The following ADGRL3 variants were observed in gnomAD, a reference collection of about 807,000 sequenced individuals.
The protein encoded by ADGRL3 is adhesion G protein-coupled receptor L3.
In ADGRL3, 62 loss-of-function variants were observed where a neutral mutation model predicts 153.5. That is an observed-to-expected ratio of 0.40 (90% confidence interval 0.33 to 0.50). The LOEUF (loss-of-function observed/expected upper bound fraction) is 0.50. Ranked by LOEUF, ADGRL3 falls within the 20% of genes least tolerant of loss-of-function variation. The pLI is 0.47. For missense variants in ADGRL3, 1,641 were observed against 1,859.4 expected (o/e 0.88, Z 2.16); for synonymous variants, 710 against 672.5 (o/e 1.06, Z -0.86).
chr4:61,223,726 T>C (rs1239724404), intron 1 of ADGRL3, among the ~76,000 whole-genome samples: 1 of 152,254 alleles, frequency 6.6e-6, no homozygotes, highest in Non-Finnish European at 1.5e-5. Flanking sequence ...CATTCTTACA[T>C]TGGCCAGTTT....
chr4:61,266,280 A>G (rs1371098622), intron 1 of ADGRL3, among the ~76,000 whole-genome samples: 1 of 96,944 alleles, frequency 1.0e-5, no homozygotes, highest in Non-Finnish European at 2.2e-5. Context: ...GACTTTAGAC[A>G]GAGATGTTTT....
At chr4:61,896,811 C>T (rs1405499530) in intron 11 of ADGRL3, among the ~76,000 whole-genome samples, 1 of 152,080 alleles carries the variant, frequency 6.6e-6, no homozygotes, top group Non-Finnish European at 1.5e-5. Flanking sequence ...GTTTTTATGT[C>T]CTTTGATTTT....
intron 5 of ADGRL3, among the ~76,000 whole-genome samples, chr4:61,645,144 C>T (rs925985647): frequency 6.6e-6 from 1 of 151,680 alleles, no homozygotes; most frequent in African/African-American, 2.4e-5. Flanking sequence ...TTTGGTAGAT[C>T]TTCCTCCATG....
At chr4:61,966,573 G>GGTGT (rs5858746) in intron 17 of ADGRL3, among the ~76,000 whole-genome samples, 17,399 of 145,942 alleles carry the variant, frequency 0.12, 1,540 homozygotes, top group East Asian at 0.37. Context: ...TTTCAAAAGG[G>GGTGT]GTGTGTGTGT....
rs1282807112 is a variant in ADGRL3 at position 61,910,922 on chromosome 4, T to TA, written c.2073+1183dup. On this transcript the variant is annotated intron_variant, in intron 12 of 26. Transcript: ENST00000683033. ...TTTTTTTCCCCTGCAATTTCATCTGTAAAAAACAGGTAAAGTTTTATTATT... is the reference window on the plus strand; with the variant it reads ...TTTTTTTCCCCTGCAATTTCATCTGTAAAAAAACAGGTAAAGTTTTATTATT... Among the ~76,000 whole-genome samples the TA allele has an allele frequency of 5.3e-5, 8 of 151,594 alleles. No individual in the cohort carries two copies. In the South Asian group the frequency reaches 1.0e-3, roughly 20 times the overall value.
At chr4:62,046,616 C>T (rs1042674230) in intron 25 of ADGRL3, among the ~76,000 whole-genome samples, 1 of 151,698 alleles carries the variant, frequency 6.6e-6, no homozygotes, top group Admixed American at 6.6e-5. Context: ...TTTCTTGTGA[C>T]GTTGAATAAA....
At chr4:61,846,467 A>G (rs188661278) in intron 9 of ADGRL3, among the ~76,000 whole-genome samples, 14 of 152,242 alleles carry the variant, frequency 9.2e-5, no homozygotes, top group Admixed American at 2.0e-4. Context: ...ACAGCCATCT[A>G]GCCTTCTGTT....
chr4:61,805,024 C>T (rs1212874853), intron 8 of ADGRL3, among the ~76,000 whole-genome samples: 4 of 151,040 alleles, frequency 2.6e-5, no homozygotes, highest in East Asian at 2.0e-4. Flanking sequence ...GGGGCGATCT[C>T]GGCTCACTGC....
At chr4:61,323,356 T>C (rs1433122290) in intron 1 of ADGRL3, among the ~76,000 whole-genome samples, 2 of 152,138 alleles carry the variant, frequency 1.3e-5, no homozygotes, top group Non-Finnish European at 2.9e-5. Flanking sequence ...CGTTAACTTA[T>C]GCAAATTTCT....
rs34387631 is a variant in ADGRL3, at chr4:61,326,599, A to ATGTGTGTG, written c.-239-56497_-239-56490dup. On this transcript the variant is annotated intron_variant, in intron 1 of 26. Transcript: ENST00000683033. ...TCCAGCTAGCCAGTTATGCCAGATA[A>ATGTGTGTG]TGTGTGTGTGTGTGTGTGTGTGTGT... 7.2e-3 allele frequency among the ~76,000 whole-genome samples: 1,011 copies of ATGTGTGTG among 140,720 alleles called. 18 individuals are homozygous for ATGTGTGTG. The highest frequency in any genetic ancestry group is 0.025 in the African/African-American group (955 of 38,248). 92.3% of individuals were successfully genotyped at this position (140,720 alleles called of 152,430 possible).
intron 1 of ADGRL3, among the ~76,000 whole-genome samples, chr4:61,310,038 T>A (rs2094938297): frequency 6.6e-6 from 1 of 151,578 alleles, no homozygotes; most frequent in African/African-American, 2.4e-5. Context: ...CTTTAAACAT[T>A]AGATATAAAT....
chr4:61,569,268 T>C (rs796895795), intron 4 of ADGRL3, among the ~76,000 whole-genome samples: 5 of 152,292 alleles, frequency 3.3e-5, no homozygotes, highest in African/African-American at 1.2e-4. Flanking sequence ...AATTTATTTA[T>C]ATGTAATTCA....
In ADGRL3 at chr4:61,690,271, C is replaced by T. The variant is rs547872543; in HGVS notation, c.583+13336C>T. 2.6e-5 allele frequency among the ~76,000 whole-genome samples: 4 copies of T among 152,028 alleles called. No individual in the cohort carries two copies. The South Asian group carries it at 8.3e-4, about 32-fold the overall frequency. Reference sequence around the variant, plus strand: ...ACCATCCTTGGTAACATAGTGAGACCATGTCTGTACAAAAAATAAAAAATT... The same window carrying T: ...ACCATCCTTGGTAACATAGTGAGACTATGTCTGTACAAAAAATAAAAAATT... On this transcript the variant is annotated intron_variant, in intron 6 of 26. Transcript: ENST00000683033.
chr4:61,352,709 G>A (rs2096074483), intron 1 of ADGRL3, among the ~76,000 whole-genome samples: 1 of 151,936 alleles, frequency 6.6e-6, no homozygotes, highest in Non-Finnish European at 1.5e-5. Context: ...ATATACACTA[G>A]GAAATCAAAA....
At chr4:62,059,434 A>T (rs1738885075) in intron 25 of ADGRL3, among the ~76,000 whole-genome samples, 1 of 152,138 alleles carries the variant, frequency 6.6e-6, no homozygotes, top group African/African-American at 2.4e-5. Flanking sequence ...AATTACATTG[A>T]TTTCAAATGG....
intron 5 of ADGRL3, among the ~76,000 whole-genome samples, chr4:61,614,306 G>A (rs571106795): frequency 6.6e-6 from 1 of 152,248 alleles, no homozygotes; most frequent in East Asian, 1.9e-4. Flanking sequence ...AACTTCAGAA[G>A]GATCTCTTTC....
chr4:61,670,635 A>T (rs7655205), intron 5 of ADGRL3, among the ~76,000 whole-genome samples: 2,621 of 152,248 alleles, frequency 0.017, 82 homozygotes, highest in African/African-American at 0.06. Context: ...ATTAAGTGAC[A>T]GAAAAGCTCT....
At chr4:61,495,910 T>C (rs934225721) in intron 2 of ADGRL3, among the ~76,000 whole-genome samples, 7 of 152,336 alleles carry the variant, frequency 4.6e-5, no homozygotes, top group Admixed American at 2.6e-4. Flanking sequence ...CATTTTAATT[T>C]AGTTTGTATC....
At chr4:61,466,411 A>G (rs1034704612) in intron 2 of ADGRL3, among the ~76,000 whole-genome samples, 1 of 152,218 alleles carries the variant, frequency 6.6e-6, no homozygotes, top group Non-Finnish European at 1.5e-5. Context: ...AGTATTTAAT[A>G]TAGGTACCAA....
Sources: allele counts gnomAD v4.1 joint callset (sites outside exome capture counted in the v4.1 genomes callset), GRCh38; gene constraint gnomAD v4.1.1; transcripts MANE v1.5; gene names NCBI Gene and HGNC (gene_info 2026-07-23, HGNC 2026-07-21).